The following CELF4 variants were observed in gnomAD, a reference collection of about 807,000 sequenced individuals.
CELF4 encodes CUGBP Elav-like family member 4.
A neutral mutation model predicts 59.9 loss-of-function variants in CELF4; 18 were observed. The ratio of observed to expected loss-of-function variants is 0.30; its 90% CI spans 0.21 to 0.45. CELF4 has a LOEUF of 0.45. CELF4 is among the 20% of genes least tolerant of loss of function. CELF4 has a pLI of 1.00. For missense variants in CELF4, 456 were observed against 689.0 expected (o/e 0.66, Z 3.79); for synonymous variants, 261 against 267.1 (o/e 0.98, Z 0.22).
At chr18:37,470,928 C>A in intron 2 of CELF4, among the ~76,000 whole-genome samples, 1 of 88,402 alleles carries the variant, frequency 1.1e-5, no homozygotes, top group South Asian at 4.2e-4. Flanking sequence ...GAGGTGGAGC[C>A]TCTTTCTTTA....
At chr18:37,378,264 C>T (rs1012623556) in intron 2 of CELF4, among the ~76,000 whole-genome samples, 2 of 152,176 alleles carry the variant, frequency 1.3e-5, no homozygotes, top group African/African-American at 4.8e-5. Context: ...TCTGCCACCC[C>T]TTGCTTGTTG....
intron 7 of CELF4, among the ~76,000 whole-genome samples, chr18:37,272,190 G>T (rs1224604584): frequency 6.6e-6 from 1 of 152,188 alleles, no homozygotes; most frequent in Non-Finnish European, 1.5e-5. Context: ...CAGCCCTTAG[G>T]ACTAGACTAG....
At chr18:37,448,808 T>C (rs2099755304) in intron 2 of CELF4, among the ~76,000 whole-genome samples, 1 of 152,212 alleles carries the variant, frequency 6.6e-6, no homozygotes, top group Non-Finnish European at 1.5e-5. Context: ...CGTTTGGTAC[T>C]GGGACCTTGC....
At chr18:37,471,503 C>T (rs779294533) in intron 2 of CELF4, among the ~76,000 whole-genome samples, 2 of 152,242 alleles carry the variant, frequency 1.3e-5, no homozygotes, top group South Asian at 2.1e-4. Flanking sequence ...TCCTCCTTGC[C>T]TTTGCCCCTG....
intron 2 of CELF4, among the ~76,000 whole-genome samples, chr18:37,403,197 C>T (rs1397624380): frequency 6.6e-6 from 1 of 151,978 alleles, no homozygotes; most frequent in Non-Finnish European, 1.5e-5. Flanking sequence ...CAGCAGTCCT[C>T]ATTGGACTAA....
intron 2 of CELF4, among the ~76,000 whole-genome samples, chr18:37,482,832 T>C (rs1003926712): frequency 6.6e-6 from 1 of 152,214 alleles, no homozygotes; most frequent in Non-Finnish European, 1.5e-5. Context: ...ATAGACTGCC[T>C]GTACTATCTT....
At chr18:37,367,066 G>C (rs1373009754) in intron 2 of CELF4, among the ~76,000 whole-genome samples, 1 of 152,184 alleles carries the variant, frequency 6.6e-6, no homozygotes, top group East Asian at 1.9e-4. Context: ...TCAGAGGTGA[G>C]ATCTGGGAGA....
intron 2 of CELF4, among the ~76,000 whole-genome samples, chr18:37,363,686 G>A (rs2098738682): frequency 6.6e-6 from 1 of 152,234 alleles, no homozygotes; most frequent in East Asian, 1.9e-4. Flanking sequence ...ATCAAGGCAT[G>A]TTATTTAGCA....
intron 9 of CELF4, chr18:37,266,203 C>G: frequency 2.1e-6 from 1 of 477,304 alleles, no homozygotes; most frequent in South Asian, 2.1e-5. Flanking sequence ...TGGTGTCAGA[C>G]CTGGTGCTCC....
intron 3 of CELF4, among the ~76,000 whole-genome samples, chr18:37,292,852 T>TA (rs745597584): frequency 2.0e-5 from 3 of 152,214 alleles, no homozygotes; most frequent in Non-Finnish European, 4.4e-5. Context: ...ATTAACAAAA[T>TA]AAAAAATACA....
chr18:37,291,289 T>C (rs2095316845), intron 3 of CELF4, among the ~76,000 whole-genome samples: 1 of 152,168 alleles, frequency 6.6e-6, no homozygotes, highest in Non-Finnish European at 1.5e-5. Context: ...TGGGAGGCCC[T>C]AGTGTGATCC....
intron 3 of CELF4, among the ~76,000 whole-genome samples, chr18:37,321,157 G>C (rs1284702756): frequency 6.6e-6 from 1 of 152,142 alleles, no homozygotes; most frequent in Non-Finnish European, 1.5e-5. Context: ...GCTGCCCCTG[G>C]CTGGCCGTCT....
intron 2 of CELF4, among the ~76,000 whole-genome samples, chr18:37,444,173 G>A (rs2099741206): frequency 6.6e-6 from 1 of 152,120 alleles, no homozygotes; most frequent in Non-Finnish European, 1.5e-5. Context: ...TTCCTACTAT[G>A]TGTGAGACCC....
chr18:37,475,746 T>G (rs2099847030), intron 2 of CELF4, among the ~76,000 whole-genome samples: 1 of 152,182 alleles, frequency 6.6e-6, no homozygotes, highest in Admixed American at 6.5e-5. Flanking sequence ...AGCACAGCAG[T>G]GTGAGAAAAG....
intron 3 of CELF4, among the ~76,000 whole-genome samples, chr18:37,277,917 C>T (rs149963981): frequency 2.0e-5 from 3 of 152,308 alleles, no homozygotes; most frequent in East Asian, 3.9e-4. Flanking sequence ...AGGAAGGGAA[C>T]GCACCTCCTC....
intron 2 of CELF4, among the ~76,000 whole-genome samples, chr18:37,384,353 G>A (rs921545154): frequency 1.3e-5 from 2 of 152,128 alleles, no homozygotes; most frequent in Non-Finnish European, 2.9e-5. Context: ...TCTTCAGGCC[G>A]GCCTCCGCTC....
chr18:37,311,093 G>A (rs1028460465), intron 3 of CELF4, among the ~76,000 whole-genome samples: 1 of 152,096 alleles, frequency 6.6e-6, no homozygotes, highest in South Asian at 2.1e-4. Context: ...TAAATTAGCC[G>A]GGGCCACAGG....
At chr18:37,336,657 C>T (rs1299365917) in intron 2 of CELF4, among the ~76,000 whole-genome samples, 2 of 90,808 alleles carry the variant, frequency 2.2e-5, no homozygotes, top group African/African-American at 4.6e-5. Context: ...CCCTGGCACA[C>T]GTGCATGCCA....
At chr18:37,351,997 G>A (rs1037381817) in intron 2 of CELF4, among the ~76,000 whole-genome samples, 1 of 152,208 alleles carries the variant, frequency 6.6e-6, no homozygotes, top group Non-Finnish European at 1.5e-5. Flanking sequence ...GCCAGCAGAT[G>A]AAGTTAGCAT....
Sources: gnomAD v4.1 joint callset for allele counts (sites outside exome capture counted in the v4.1 genomes callset) on GRCh38, gnomAD v4.1.1 for gene constraint, MANE v1.5 for transcripts, NCBI Gene and HGNC (gene_info 2026-07-23, HGNC 2026-07-21) for gene names.